The following PLEKHA7 variants were observed in gnomAD, a reference collection of about 807,000 sequenced individuals.
PLEKHA7 encodes pleckstrin homology domain-containing family A member 7.
A neutral mutation model predicts 170.0 loss-of-function variants in PLEKHA7; 104 were observed. The ratio of observed to expected loss-of-function variants is 0.61; its 90% CI spans 0.52 to 0.72. The LOEUF is 0.72. PLEKHA7 is among the 30% of genes least tolerant of loss of function. The pLI is 0.00. For missense variants in PLEKHA7, 1,615 were observed against 1,671.7 expected (o/e 0.97, Z 0.59); for synonymous variants, 648 against 660.8 (o/e 0.98, Z 0.30).
intron 4 of PLEKHA7, among the ~76,000 whole-genome samples, chr11:16,858,827 T>G (rs1853692207): frequency 6.6e-6 from 1 of 152,122 alleles, no homozygotes. Flanking sequence ...ACCAGTGCAG[T>G]ATAAAGCACC....
chr11:16,828,796 G>C (rs1369366735), intron 9 of PLEKHA7, among the ~76,000 whole-genome samples: 1 of 152,162 alleles, frequency 6.6e-6, no homozygotes, highest in Non-Finnish European at 1.5e-5. Flanking sequence ...ACTGGTTCAG[G>C]AGTTGACTAC....
intron 3 of PLEKHA7, among the ~76,000 whole-genome samples, chr11:16,895,091 T>G (rs71484737): frequency 6.6e-6 from 1 of 152,056 alleles, no homozygotes; most frequent in Non-Finnish European, 1.5e-5. Flanking sequence ...GTTGAACTAT[T>G]CCCCATGAAG....
intron 10 of PLEKHA7, among the ~76,000 whole-genome samples, chr11:16,818,810 TTTTTC>T (rs1849979983): frequency 6.6e-6 from 1 of 152,156 alleles, no homozygotes; most frequent in Non-Finnish European, 1.5e-5. Context: ...TTCTCTCTTT[TTTTTC>T]TTTTTTGAGA....
At chr11:17,005,132 C>T (rs1864907881) in intron 3 of PLEKHA7, among the ~76,000 whole-genome samples, 3 of 152,102 alleles carry the variant, frequency 2.0e-5, no homozygotes, top group Admixed American at 2.0e-4. Flanking sequence ...GGGGGGTAAA[C>T]TGGCATCTCC....
chr11:16,895,432 C>T (rs1322526125), intron 3 of PLEKHA7, among the ~76,000 whole-genome samples: 1 of 152,226 alleles, frequency 6.6e-6, no homozygotes, highest in Non-Finnish European at 1.5e-5. Flanking sequence ...TTGGCAACAG[C>T]TGCACATCAC....
intron 3 of PLEKHA7, among the ~76,000 whole-genome samples, chr11:16,993,698 C>T (rs960031388): frequency 6.6e-6 from 1 of 152,206 alleles, no homozygotes; most frequent in Non-Finnish European, 1.5e-5. Context: ...CTCTGTCATA[C>T]CCACAACCTC....
chr11:16,976,287 A>G (rs1397540447), intron 3 of PLEKHA7, among the ~76,000 whole-genome samples: 1 of 152,234 alleles, frequency 6.6e-6, no homozygotes, highest in Non-Finnish European at 1.5e-5. Flanking sequence ...TGTCTCTTTG[A>G]AATTCTGATG....
intron 3 of PLEKHA7, among the ~76,000 whole-genome samples, chr11:16,982,093 C>G (rs919197851): frequency 3.3e-5 from 5 of 152,216 alleles, no homozygotes; most frequent in Non-Finnish European, 5.9e-5. Context: ...TCTGGCCAGG[C>G]TGGGGGGAAC....
chr11:16,910,063 G>A (rs968667322), intron 3 of PLEKHA7, among the ~76,000 whole-genome samples: 1 of 152,014 alleles, frequency 6.6e-6, no homozygotes, highest in South Asian at 2.1e-4. Context: ...AATATACTTG[G>A]CCAAATACAA....
At chr11:16,788,244 G>A (rs956179241) in intron 23 of PLEKHA7, 1 of 152,414 alleles carries the variant, frequency 6.6e-6, no homozygotes, top group Non-Finnish European at 1.5e-5. Flanking sequence ...CAGCAGAAAG[G>A]TGAGTCACAT....
At chr11:16,830,178 C>G (rs966296346) in intron 9 of PLEKHA7, among the ~76,000 whole-genome samples, 6 of 151,570 alleles carry the variant, frequency 4.0e-5, no homozygotes, top group Non-Finnish European at 7.4e-5. Context: ...GAGACAAGGT[C>G]TTTCTTTGTT....
intron 3 of PLEKHA7, among the ~76,000 whole-genome samples, chr11:16,955,496 T>C (rs1375429755): frequency 6.6e-6 from 1 of 152,220 alleles, no homozygotes; most frequent in African/African-American, 2.4e-5. Context: ...GCATTTAGTA[T>C]AGTGCCTGGC....
intron 23 of PLEKHA7, chr11:16,788,812 G>A (rs1590119755): frequency 1.4e-5 from 7 of 516,594 alleles, no homozygotes; most frequent in East Asian, 9.9e-5. Context: ...GATTCCGAAC[G>A]CCTGCAAAGG....
chr11:16,789,667 A>C lies in PLEKHA7; in HGVS notation c.3156+108T>G. 1.0e-6 allele frequency: 1 copy of C among 991,530 alleles called. No individual in the cohort carries two copies. The highest frequency in any genetic ancestry group is 2.6e-5 in the East Asian group (1 of 38,448). 61.4% of individuals were successfully genotyped at this position (991,530 alleles called of 1,614,324 possible). ...GCTCAGGAGGGGCTGAGGCCACCCC[A>C]GAGGCCATCCCCAGGGCTGAAGGGA... On this transcript the variant is annotated intron_variant, in intron 22 of 26. Coordinates refer to ENST00000531066, the MANE Select transcript of PLEKHA7 (RefSeq NM_001329630.2). This position sits in a 1 kb window ranked among gnomAD's most constrained non-coding sequence, Gnocchi z 4.6.
chr11:16,993,676 C>A (rs1864176900), intron 3 of PLEKHA7, among the ~76,000 whole-genome samples: 1 of 152,210 alleles, frequency 6.6e-6, no homozygotes, highest in Non-Finnish European at 1.5e-5. Context: ...GACATGCTTG[C>A]AAACATCAAC....
chr11:16,795,286 T>C (rs1180498938), intron 17 of PLEKHA7: 1 of 442,068 alleles, frequency 2.3e-6, no homozygotes, highest in African/African-American at 2.0e-5. Flanking sequence ...GTAAACACTG[T>C]GCCATTCCGC....
Position 16,826,465 on chromosome 11 carries a change from A to T in PLEKHA7, c.998T>A (p.Val333Asp). Reference sequence around the variant, plus strand: ...CTCCTGCTCCTGCCTCTCGAAGTTGACAATGTCATCATGGCCACGATGAGG... The same window carrying T: ...CTCCTGCTCCTGCCTCTCGAAGTTGTCAATGTCATCATGGCCACGATGAGG... ...DCPHRGHDDI[V>D]NFERQEQEGE... Residue 333 changes from valine (V) to aspartate (D), a missense_variant, in exon 10 of 27, where the codon GTC (valine) becomes GAC (aspartate). Physicochemically the swap from Val to Asp is radical, Grantham distance 152. Coordinates refer to ENST00000531066, the MANE Select transcript of PLEKHA7 (RefSeq NM_001329630.2). 1 of 1,614,150 alleles carries T rather than the reference A, an allele frequency of 6.2e-7. No individual in the cohort carries two copies. The highest frequency in any genetic ancestry group is 1.3e-5 in the African/African-American group (1 of 75,016).
At chr11:16,931,765 C>G (rs61679669) in intron 3 of PLEKHA7, among the ~76,000 whole-genome samples, 82,208 of 140,884 alleles carry the variant, frequency 0.58, 25,424 homozygotes, top group East Asian at 0.89. Flanking sequence ...TCCCCCCCCC[C>G]CCAAAAAAAA....
At chr11:16,916,165 T>C (rs190855195) in intron 3 of PLEKHA7, among the ~76,000 whole-genome samples, 19 of 152,240 alleles carry the variant, frequency 1.2e-4, no homozygotes, top group Non-Finnish European at 2.2e-4. Flanking sequence ...GGTCTTCTTT[T>C]GAGAAGTGTC....
Sources: allele counts gnomAD v4.1 joint callset (sites outside exome capture counted in the v4.1 genomes callset), GRCh38; gene constraint gnomAD v4.1.1; non-coding constraint Gnocchi (gnomAD v3.1); transcripts MANE v1.5; gene names NCBI Gene and HGNC (gene_info 2026-07-23, HGNC 2026-07-21).